Variants in DPP10 observed in about 807,000 individuals in gnomAD.
The protein encoded by DPP10 is inactive dipeptidyl peptidase 10.
DPP10 carries 33 observed loss-of-function variants against 120.9 expected under a neutral mutation model. The observed-to-expected ratio is 0.27, with a 90% CI of 0.21 to 0.37. The LOEUF (loss-of-function observed/expected upper bound fraction) is 0.37. Ranked by LOEUF, DPP10 falls within the 10% of genes least tolerant of loss-of-function variation. DPP10 has a pLI of 1.00. For synonymous variants in DPP10, 337 were observed against 326.1 expected (o/e 1.03, Z -0.36); for missense variants, 816 against 942.8 (o/e 0.87, Z 1.76).
At chr2:115,245,068 C>T (rs2058472029) in intron 1 of DPP10, among the ~76,000 whole-genome samples, 1 of 151,970 alleles carries the variant, frequency 6.6e-6, no homozygotes, top group South Asian at 2.1e-4. Context: ...TAGCTTAGCT[C>T]CCACTAATAA....
chr2:115,395,184 T>C (rs2067590955), intron 3 of DPP10, among the ~76,000 whole-genome samples: 1 of 152,180 alleles, frequency 6.6e-6, no homozygotes, highest in East Asian at 1.9e-4. Context: ...ACTGGTGCCC[T>C]CTGAGCCTGT....
At chr2:115,202,919 G>A (rs2055843242) in intron 1 of DPP10, among the ~76,000 whole-genome samples, 2 of 152,098 alleles carry the variant, frequency 1.3e-5, no homozygotes, top group African/African-American at 4.8e-5. Context: ...TGCCTAATGG[G>A]CAAAATTCCT....
chr2:115,317,751 T>G (rs1289512395), intron 2 of DPP10, among the ~76,000 whole-genome samples: 1 of 152,136 alleles, frequency 6.6e-6, no homozygotes, highest in Non-Finnish European at 1.5e-5. Flanking sequence ...ATGTGTCTAT[T>G]GGCCATTTAT....
At chr2:115,581,172 CA>C (rs2081984557) in intron 5 of DPP10, among the ~76,000 whole-genome samples, 1 of 152,124 alleles carries the variant, frequency 6.6e-6, no homozygotes, top group Admixed American at 6.5e-5. Context: ...GAAGCTGATG[CA>C]CACACTTAAT....
At chr2:115,322,018 T>A (rs566150762) in intron 2 of DPP10, among the ~76,000 whole-genome samples, 1 of 152,304 alleles carries the variant, frequency 6.6e-6, no homozygotes, top group African/African-American at 2.4e-5. Context: ...AGTCATTCTC[T>A]ATTGAGTAAA....
chr2:115,696,136 CAT>C (rs1284958545), intron 7 of DPP10, among the ~76,000 whole-genome samples: 1 of 151,748 alleles, frequency 6.6e-6, no homozygotes, highest in African/African-American at 2.4e-5. Flanking sequence ...AGTGGGGCAA[CAT>C]AAGGATTATG....
intron 3 of DPP10, among the ~76,000 whole-genome samples, chr2:115,347,584 C>G (rs1031618761): frequency 6.6e-6 from 1 of 151,954 alleles, no homozygotes; most frequent in East Asian, 1.9e-4. Flanking sequence ...CTGCACCCAT[C>G]GTCCCATCAT....
At chr2:115,817,351 T>C (rs902051018) in intron 21 of DPP10, among the ~76,000 whole-genome samples, 1 of 152,216 alleles carries the variant, frequency 6.6e-6, no homozygotes, top group African/African-American at 2.4e-5. Flanking sequence ...ACATATGATA[T>C]TTTCTACTAT....
intron 3 of DPP10, among the ~76,000 whole-genome samples, chr2:115,486,362 G>A (rs898618400): frequency 3.3e-5 from 5 of 152,144 alleles, no homozygotes; most frequent in Non-Finnish European, 1.5e-5. Flanking sequence ...AGATGTTGGA[G>A]ATTAAACATG....
chr2:115,689,655 T>A, intron 5 of DPP10, 32 bp from the exon 6 acceptor site: 1 of 1,328,078 alleles, frequency 7.5e-7, no homozygotes, highest in East Asian at 2.5e-5. Flanking sequence ...AAGATAAAGC[T>A]ATGATCAATA....
chr2:114,570,505 G>C (rs1689549874), intron 1 of DPP10, among the ~76,000 whole-genome samples: 1 of 152,040 alleles, frequency 6.6e-6, no homozygotes, highest in African/African-American at 2.4e-5. Context: ...CAGAATGATG[G>C]GGGAACTTGA....
At chr2:114,849,744 A>G (rs1424310021) in intron 1 of DPP10, among the ~76,000 whole-genome samples, 1 of 152,168 alleles carries the variant, frequency 6.6e-6, no homozygotes. Context: ...AAACACAGGT[A>G]AATACTATTT....
intron 1 of DPP10, among the ~76,000 whole-genome samples, chr2:114,732,683 A>G (rs968667587): frequency 6.6e-6 from 1 of 152,134 alleles, no homozygotes; most frequent in Admixed American, 6.5e-5. Flanking sequence ...GAAAAAGGGT[A>G]ATGTTTGAGG....
chr2:114,691,730 G>A (rs1699761330), intron 1 of DPP10, among the ~76,000 whole-genome samples: 1 of 151,970 alleles, frequency 6.6e-6, no homozygotes, highest in African/African-American at 2.4e-5. Flanking sequence ...TTGGTTGGTA[G>A]ACTATTTATT....
chr2:114,780,097 C>T lies in DPP10; in HGVS notation c.60+337259C>T, dbSNP rs569739393. Among the ~76,000 whole-genome samples, 333 of 151,862 alleles carry T rather than the reference C, an allele frequency of 2.2e-3. 1 individual carries two copies. Among genetic ancestry groups the T allele is most frequent in the African/African-American group, 7.6e-3 (316 of 41,438 alleles). ...CTTGCAGTGAGCCGAGATTGCACCACTGCACTCCAGCCTGGGTGACAAAGC... is the reference window on the plus strand; with the variant it reads ...CTTGCAGTGAGCCGAGATTGCACCATTGCACTCCAGCCTGGGTGACAAAGC... On this transcript the variant is annotated intron_variant, in intron 1 of 25. Coordinates refer to ENST00000410059, the MANE Select transcript of DPP10 (RefSeq NM_020868.6).
At chr2:114,742,625 C>T (rs1028883326) in intron 1 of DPP10, among the ~76,000 whole-genome samples, 4 of 152,198 alleles carry the variant, frequency 2.6e-5, no homozygotes, top group Non-Finnish European at 5.9e-5. Flanking sequence ...CCATCTTTTG[C>T]ACCTTGTTTC....
chr2:114,664,717 A>G (rs1202972154), intron 1 of DPP10, among the ~76,000 whole-genome samples: 5 of 151,966 alleles, frequency 3.3e-5, no homozygotes, highest in South Asian at 2.1e-4. Flanking sequence ...ATGGAGAGGA[A>G]CACAGATGGC....
chr2:115,701,616 C>G (rs2149534299), intron 7 of DPP10, among the ~76,000 whole-genome samples: 1 of 152,116 alleles, frequency 6.6e-6, no homozygotes, highest in Middle Eastern at 3.4e-3. Flanking sequence ...TTTATCAAAA[C>G]TTAAAACTTT....
chr2:115,353,373 A>G (rs1205882378), intron 3 of DPP10, among the ~76,000 whole-genome samples: 2 of 152,120 alleles, frequency 1.3e-5, no homozygotes, highest in South Asian at 4.1e-4. Context: ...AAAGTAATGG[A>G]AAATAAAGTT....
Sources: allele counts gnomAD v4.1 joint callset (sites outside exome capture counted in the v4.1 genomes callset), GRCh38; gene constraint gnomAD v4.1.1; transcripts MANE v1.5; gene names NCBI Gene and HGNC (gene_info 2026-07-23, HGNC 2026-07-21).